TLK1: variants seen among roughly 807,000 people sequenced by gnomAD.
The protein encoded by TLK1 is serine/threonine-protein kinase tousled-like 1.
In TLK1, 24 loss-of-function variants were observed where a neutral mutation model predicts 105.3. The ratio of observed to expected loss-of-function variants is 0.23; its 90% CI spans 0.17 to 0.32. TLK1 has a LOEUF of 0.32. Ranked by LOEUF, TLK1 falls within the 10% of genes least tolerant of loss-of-function variation. The pLI is 1.00. For missense variants in TLK1, 558 were observed against 910.5 expected (o/e 0.61, Z 4.98); for synonymous variants, 321 against 310.4 (o/e 1.03, Z -0.36).
At chr2:171,102,902 C>T (rs987357773) in intron 2 of TLK1, among the ~76,000 whole-genome samples, 4 of 151,916 alleles carry the variant, frequency 2.6e-5, no homozygotes, top group Non-Finnish European at 4.4e-5. Flanking sequence ...TAAACAAACA[C>T]ATAAATTTTA....
intron 1 of TLK1, among the ~76,000 whole-genome samples, chr2:171,127,007 G>A (rs187470010): frequency 6.6e-6 from 1 of 152,026 alleles, no homozygotes; most frequent in Admixed American, 6.6e-5. Flanking sequence ...TGGGCACGGT[G>A]GCTCACGCCT....
At chr2:171,022,322 C>G (rs1368103342) in intron 12 of TLK1, among the ~76,000 whole-genome samples, 1 of 152,064 alleles carries the variant, frequency 6.6e-6, no homozygotes, top group Non-Finnish European at 1.5e-5. Context: ...TCTCTCACCA[C>G]AGTCATCTTT....
chr2:171,178,377 G>A (rs1692871325), intron 1 of TLK1, among the ~76,000 whole-genome samples: 1 of 152,150 alleles, frequency 6.6e-6, no homozygotes, highest in Non-Finnish European at 1.5e-5. Context: ...CCACAGATAT[G>A]CTTCTTGATT....
intron 11 of TLK1, among the ~76,000 whole-genome samples, chr2:171,035,734 GC>G (rs1686297585): frequency 6.6e-6 from 1 of 152,182 alleles, no homozygotes; most frequent in Non-Finnish European, 1.5e-5. Context: ...ACCCATGTGT[GC>G]CCAGAGGGAA....
intron 1 of TLK1, among the ~76,000 whole-genome samples, chr2:171,197,404 T>C (rs1693295746): frequency 6.6e-6 from 1 of 152,142 alleles, no homozygotes; most frequent in African/African-American, 2.4e-5. Context: ...TACAGAACTA[T>C]AGGCACAAAT....
At chr2:171,080,063 G>T (rs1688680245) in intron 3 of TLK1, among the ~76,000 whole-genome samples, 1 of 151,926 alleles carries the variant, frequency 6.6e-6, no homozygotes, top group Admixed American at 6.6e-5. Context: ...TGGGCACGGT[G>T]GCTTACGCCT....
intron 18 of TLK1, among the ~76,000 whole-genome samples, chr2:171,004,673 A>G (rs188397451): frequency 6.6e-6 from 1 of 152,304 alleles, no homozygotes; most frequent in Non-Finnish European, 1.5e-5. Flanking sequence ...AGAATAATTT[A>G]TTGTTTAGAA....
At chr2:171,215,154 T>C (rs1461255723) in intron 1 of TLK1, among the ~76,000 whole-genome samples, 1 of 152,190 alleles carries the variant, frequency 6.6e-6, no homozygotes, top group East Asian at 1.9e-4. Flanking sequence ...TTGCCCAGGC[T>C]AGTCTCAAAT....
intron 14 of TLK1, among the ~76,000 whole-genome samples, chr2:171,010,100 GAC>G (rs1221012035): frequency 6.6e-6 from 1 of 152,136 alleles, no homozygotes; most frequent in Non-Finnish European, 1.5e-5. Context: ...CCCAAAAGAA[GAC>G]AATCAGCTAT....
chr2:171,016,859 T>C (rs781010104), intron 12 of TLK1, among the ~76,000 whole-genome samples: 13 of 152,198 alleles, frequency 8.5e-5, no homozygotes, highest in Non-Finnish European at 1.8e-4. Flanking sequence ...GTTGCAGAGA[T>C]ATTTAATGCA....
At chr2:171,171,755 A>C (rs1332342805) in intron 1 of TLK1, among the ~76,000 whole-genome samples, 1 of 152,204 alleles carries the variant, frequency 6.6e-6, no homozygotes, top group African/African-American at 2.4e-5. Context: ...GGCAAATGAG[A>C]TACCACTCAA....
intron 1 of TLK1, among the ~76,000 whole-genome samples, chr2:171,187,585 C>T (rs77084782): frequency 1.2e-3 from 185 of 152,284 alleles, no homozygotes; most frequent in African/African-American, 4.1e-3. Flanking sequence ...GAAGGGGGCA[C>T]AAAATCACTT....
chr2:171,164,214 A>G (rs1327007880), upstream of TLK1, among the ~76,000 whole-genome samples: 1 of 152,230 alleles, frequency 6.6e-6, no homozygotes, highest in Non-Finnish European at 1.5e-5. Flanking sequence ...CAACCTTTAA[A>G]AAAAAGGCTT....
chr2:171,229,287 C>G (rs13011251), intron 1 of TLK1, among the ~76,000 whole-genome samples: 11,268 of 152,210 alleles, frequency 0.074, 582 homozygotes, highest in Middle Eastern at 0.13. Flanking sequence ...ATCCCTGCCA[C>G]ACAGCCTCAA....
chr2:170,998,085 TCTATCTACCTAC>T (rs1316157236), intron 18 of TLK1, among the ~76,000 whole-genome samples: 13 of 109,192 alleles, frequency 1.2e-4, no homozygotes, highest in South Asian at 9.3e-4. Context: ...TATCTATCTA[TCTATCTACCTAC>T]CTACCTACCT....
intron 2 of TLK1, among the ~76,000 whole-genome samples, chr2:171,090,777 A>G (rs929995953): frequency 3.3e-5 from 5 of 152,144 alleles, no homozygotes; most frequent in African/African-American, 1.2e-4. Flanking sequence ...CTCCACTATA[A>G]CTCCACTTTA....
rs574574883 is a variant in TLK1, at chr2:171,195,342, A to C, written c.-6+35803T>G. ...CACGGTGAAACCCCGTCTCTACTAA[A>C]ACTACAAAAAATTAGCCGGGCATGG... On this transcript the variant is annotated intron_variant, in intron 1 of 20. Coordinates refer to the TLK1 transcript ENST00000521943. Among the ~76,000 whole-genome samples the C allele has an allele frequency of 2.6e-5, 4 of 152,092 alleles. No homozygotes were observed. The South Asian group carries it at 8.3e-4, about 32-fold the overall frequency.
intron 3 of TLK1, 62 bp downstream of exon 3, chr2:171,082,719 A>T (rs1481337846): frequency 7.9e-7 from 1 of 1,269,806 alleles, no homozygotes; most frequent in Admixed American, 2.0e-5. Context: ...ACAAAATACT[A>T]ATTAAAACGG....
chr2:171,131,105 ATC>A (rs1691089932), intron 1 of TLK1, among the ~76,000 whole-genome samples: 1 of 133,174 alleles, frequency 7.5e-6, no homozygotes. Context: ...AGATCTATAT[ATC>A]TATATATAGA....
Sources: allele counts gnomAD v4.1 joint callset (sites outside exome capture counted in the v4.1 genomes callset), GRCh38; gene constraint gnomAD v4.1.1; transcripts MANE v1.5; gene names NCBI Gene and HGNC (gene_info 2026-07-23, HGNC 2026-07-21).